The following AR variants were observed in gnomAD, a reference collection of about 807,000 sequenced individuals.
AR encodes dihydrotestosterone receptor.
A neutral mutation model predicts 53.9 loss-of-function variants in AR; 8 were observed. That is an observed-to-expected ratio of 0.15 (90% CI 0.09 to 0.27). The LOEUF (loss-of-function observed/expected upper bound fraction) is 0.27. AR is among the 10% of genes least tolerant of loss of function. The probability of loss-of-function intolerance (pLI) is 1.00; values close to 1 mark genes in which losing one functional copy is unlikely to be tolerated. For synonymous variants in AR, 359 were observed against 316.4 expected, an observed-to-expected ratio of 1.13 and a Z score of -1.43; for missense variants, 639 against 742.5, an observed-to-expected ratio of 0.86 and a Z score of 1.62.
At position 67,615,731 on chromosome X, in the gene AR, A is replaced by G. The variant is rs746698629; in HGVS notation, c.1617-27525A>G. On this transcript the variant is annotated intron_variant, in intron 1 of 7. Transcript: ENST00000374690. ...CTGTAAAATTGTATTGTTATTTGAC[A>G]ATAAAATGTAAAAGAGGGGAGTGGG... Among the ~76,000 whole-genome samples the G allele has an allele frequency of 7.2e-4, 81 of 112,026 alleles. 1 individual carries two copies. The highest frequency in any genetic ancestry group is 2.6e-3 in the African/African-American group (80 of 30,938).
At chrX:67,639,517 T>C (rs1029714357) in intron 1 of AR, among the ~76,000 whole-genome samples, 7 of 111,607 alleles carry the variant, frequency 6.3e-5, no homozygotes, top group Non-Finnish European at 1.1e-4. Context: ...GTAATTCTCC[T>C]TGAAGAGGTC....
At chrX:67,638,701 C>A (rs1299620870) in intron 1 of AR, among the ~76,000 whole-genome samples, 2 of 111,878 alleles carry the variant, frequency 1.8e-5, no homozygotes, top group African/African-American at 6.5e-5. Context: ...TGTTTAAGTT[C>A]ATTGCACATT....
intron 1 of AR, among the ~76,000 whole-genome samples, chrX:67,625,461 A>C (rs1365297474): frequency 9.0e-6 from 1 of 111,206 alleles, no homozygotes; most frequent in African/African-American, 3.3e-5. Flanking sequence ...ATATTGAGAA[A>C]GAAAAACAAA....
chrX:67,606,330 T>G (rs1437936837), intron 1 of AR, among the ~76,000 whole-genome samples: 1 of 111,890 alleles, frequency 8.9e-6, no homozygotes, highest in African/African-American at 3.3e-5. Context: ...TAAATTTTAA[T>G]TGACAAAATA....
In AR at chrX:67,556,894, C is replaced by T. The variant is rs961231325; in HGVS notation, c.1616+10132C>T. 4.4e-4 allele frequency among the ~76,000 whole-genome samples: 49 copies of T among 110,882 alleles called. 1 individual carries two copies. Among genetic ancestry groups the T allele is most frequent in the African/African-American group, 1.5e-3 (45 of 30,459 alleles). ...TTGCTGTGATGGAGGACAAAGAGGC[C>T]CATATGGCTGGTTTAAATAAGTGAA... On this transcript the variant is annotated intron_variant, in intron 1 of 7. Transcript: ENST00000374690.
At chrX:67,570,777 G>GTA (rs937684645) in intron 1 of AR, among the ~76,000 whole-genome samples, 18 of 110,847 alleles carry the variant, frequency 1.6e-4, no homozygotes, top group Non-Finnish European at 1.9e-5. Flanking sequence ...GTTAGAAGGT[G>GTA]TTACTTTTCT....
intron 1 of AR, among the ~76,000 whole-genome samples, chrX:67,620,348 A>C (rs1924313145): frequency 9.2e-6 from 1 of 109,217 alleles, no homozygotes; most frequent in Admixed American, 9.9e-5. Context: ...GTAGTGTCTG[A>C]CAGAGGAGGT....
In AR at chrX:67,653,667, C is replaced by T. The variant is rs1207593464; in HGVS notation, c.1768+10260C>T. 9.9e-5 allele frequency among the ~76,000 whole-genome samples: 11 copies of T among 111,211 alleles called. No individual in the cohort carries two copies. In the East Asian group the frequency reaches 1.4e-3, roughly 14 times the overall value. On this transcript the variant is annotated intron_variant, in intron 2 of 7. Coordinates refer to ENST00000374690, the MANE Select transcript of AR (RefSeq NM_000044.6). ...TTGGCTCTTTGTACCTTGCTCCCTC[C>T]GCATGCTGAGCTGTCCATAGCTGCC...
In AR at chrX:67,728,615, A is replaced by ATATATATATATATATATATT. The variant is rs1555999011; in HGVS notation, c.*4774_*4775insTATATATATATATATATATT. 2.2e-5 allele frequency: 2 copies of ATATATATATATATATATATT among 92,901 alleles called. No homozygotes were observed. Among genetic ancestry groups the ATATATATATATATATATATT allele is most frequent in the Non-Finnish European group, 4.2e-5 (2 of 47,883 alleles). The allele number at this position is 92,901 out of a possible 1,213,427, so 7.7% of individuals were successfully genotyped here. ...TATATATATATATATATATATATATAGTGTGTGTGTGTGTTCTGATAGCTT... is the reference window on the plus strand; with the variant it reads ...TATATATATATATATATATATATATATATATATATATATATATATTGTGTGTGTGTGTGTTCTGATAGCTT... On this transcript the variant is annotated 3_prime_UTR_variant, in exon 8 of 8. Coordinates refer to ENST00000374690, the MANE Select transcript of AR (RefSeq NM_000044.6).
chrX:67,631,644 A>G (rs1040915436), intron 1 of AR, among the ~76,000 whole-genome samples: 1 of 112,347 alleles, frequency 8.9e-6, no homozygotes, highest in African/African-American at 3.2e-5. Flanking sequence ...TCATCTCATC[A>G]AAGTCATTCT....
intron 3 of AR, among the ~76,000 whole-genome samples, chrX:67,703,011 G>T (rs779564325): frequency 9.0e-6 from 1 of 111,407 alleles, no homozygotes; most frequent in East Asian, 2.9e-4. Context: ...CCAGGAAGTT[G>T]AGGCTACAGT....
intron 1 of AR, among the ~76,000 whole-genome samples, chrX:67,580,429 T>G (rs1010378975): frequency 2.7e-5 from 3 of 112,261 alleles, no homozygotes; most frequent in Admixed American, 9.4e-5. Flanking sequence ...CTATGATTAT[T>G]ACTTTTGTGA....
At chrX:67,691,735 A>G (rs763944397) in intron 3 of AR, among the ~76,000 whole-genome samples, 3 of 112,040 alleles carry the variant, frequency 2.7e-5, no homozygotes, top group African/African-American at 9.7e-5. Flanking sequence ...TAATGATCAA[A>G]AGCAGACCAT....
At chrX:67,675,378 C>T (rs2075893689) in intron 2 of AR, among the ~76,000 whole-genome samples, 2 of 111,120 alleles carry the variant, frequency 1.8e-5, no homozygotes. Flanking sequence ...CCAAGAATTG[C>T]AATTCTTGTG....
chrX:67,574,566 C>T (rs1295461030), intron 1 of AR, among the ~76,000 whole-genome samples: 2 of 111,377 alleles, frequency 1.8e-5, no homozygotes, highest in East Asian at 2.8e-4. Flanking sequence ...TATGGCCTCT[C>T]AGCTTTCAAT....
chrX:67,663,889 C>A (rs1157214844), intron 2 of AR, among the ~76,000 whole-genome samples: 2 of 112,029 alleles, frequency 1.8e-5, no homozygotes, highest in African/African-American at 3.2e-5. Context: ...ATCACTGATA[C>A]CCTTTCTTCC....
In AR at chrX:67,544,878, T is replaced by C; in HGVS notation, c.-269T>C. ...TTTTCTTTTAAGATCTGGGCATCTT[T>C]TGAATCTACCCTTCAAGTATTAAGA... On this transcript the variant is annotated 5_prime_UTR_variant, in exon 1 of 8. Transcript: ENST00000374690. 3.4e-6 allele frequency: 1 copy of C among 289,964 alleles called. No homozygotes were observed. Among genetic ancestry groups the C allele is most frequent in the East Asian group, 5.2e-5 (1 of 19,333 alleles). 23.9% of individuals were successfully genotyped at this position (289,964 alleles called of 1,213,427 possible).
intron 2 of AR, among the ~76,000 whole-genome samples, chrX:67,681,649 G>T (rs1212422400): frequency 8.9e-6 from 1 of 112,205 alleles, no homozygotes; most frequent in Admixed American, 9.5e-5. Context: ...GGCCCAATGG[G>T]TTAGAGCTAA....
chrX:67,560,279 C>T (rs1210310171), intron 1 of AR, among the ~76,000 whole-genome samples: 1 of 111,401 alleles, frequency 9.0e-6, no homozygotes, highest in Non-Finnish European at 1.9e-5. Context: ...CCTTCTCAGT[C>T]ATTCCTTCTC....
Sources: allele counts gnomAD v4.1 joint callset (sites outside exome capture counted in the v4.1 genomes callset), GRCh38; gene constraint gnomAD v4.1.1; transcripts MANE v1.5; gene names NCBI Gene and HGNC (gene_info 2026-07-23, HGNC 2026-07-21).